Variants in KIAA1328 observed in about 807,000 individuals in gnomAD.
The protein encoded by KIAA1328 is protein hinderin.
Under a neutral mutation model 68.1 loss-of-function variants are expected in KIAA1328, and 52 were observed. The observed-to-expected ratio is 0.76, with a 90% confidence interval of 0.61 to 0.96. KIAA1328 has a LOEUF of 0.96. KIAA1328 is among the 40% of genes least tolerant of loss of function. The pLI is 0.00. For synonymous variants in KIAA1328, 232 were observed against 239.4 expected (o/e 0.97, Z 0.28); for missense variants, 641 against 677.6 (o/e 0.95, Z 0.60).
intron 6 of KIAA1328, among the ~76,000 whole-genome samples, chr18:37,014,095 T>G (rs561671522): frequency 1.1e-4 from 17 of 152,344 alleles, no homozygotes; most frequent in Admixed American, 1.1e-3. Flanking sequence ...CTCTGATGAT[T>G]AGTGATGATG....
At chr18:37,083,918 A>G (rs555704815) in intron 7 of KIAA1328, among the ~76,000 whole-genome samples, 1 of 152,342 alleles carries the variant, frequency 6.6e-6, no homozygotes, top group East Asian at 1.9e-4. Flanking sequence ...AATCTTCCCT[A>G]CCTTTCCTTT....
intron 6 of KIAA1328, among the ~76,000 whole-genome samples, chr18:37,004,136 T>C (rs1043287108): frequency 6.6e-6 from 1 of 152,100 alleles, no homozygotes; most frequent in Non-Finnish European, 1.5e-5. Flanking sequence ...GATGGTGGTG[T>C]TTTGATGGGA....
intron 5 of KIAA1328, among the ~76,000 whole-genome samples, chr18:36,889,370 CATT>C (rs1342982833): frequency 2.6e-5 from 4 of 152,242 alleles, no homozygotes; most frequent in Non-Finnish European, 5.9e-5. Flanking sequence ...AGGATGTAGC[CATT>C]ATAAAATTTG....
chr18:36,847,922 CTT>C (rs1217440412), intron 4 of KIAA1328, among the ~76,000 whole-genome samples: 1 of 151,674 alleles, frequency 6.6e-6, no homozygotes, highest in Non-Finnish European at 1.5e-5. Context: ...TTTCTAGACT[CTT>C]TGTTTCATTC....
chr18:37,066,792 G>C (rs2056352588), intron 6 of KIAA1328, 98 bp from the exon 7 acceptor site: 1 of 1,127,310 alleles, frequency 8.9e-7, no homozygotes, highest in Non-Finnish European at 1.2e-6. Context: ...CAACAGCTTT[G>C]GCTTGGTAAA....
chr18:36,962,662 A>C (rs921390010), intron 6 of KIAA1328, among the ~76,000 whole-genome samples: 2 of 152,224 alleles, frequency 1.3e-5, no homozygotes, highest in African/African-American at 4.8e-5. Flanking sequence ...AGGATTAAAA[A>C]ACTCACTCAA....
intron 6 of KIAA1328, among the ~76,000 whole-genome samples, chr18:37,050,185 C>T: frequency 6.6e-6 from 1 of 151,304 alleles, no homozygotes; most frequent in Middle Eastern, 3.2e-3. Flanking sequence ...TTGGTAGCCT[C>T]AGGATACTCT....
intron 5 of KIAA1328, among the ~76,000 whole-genome samples, chr18:36,942,468 A>G (rs1195830382): frequency 1.3e-5 from 2 of 152,188 alleles, no homozygotes; most frequent in Non-Finnish European, 2.9e-5. Context: ...GGGGAGTAGT[A>G]GGTTCACAAA....
chr18:37,078,885 C>T (rs996733088), intron 7 of KIAA1328, among the ~76,000 whole-genome samples: 5 of 151,222 alleles, frequency 3.3e-5, no homozygotes, highest in Admixed American at 6.6e-5. Context: ...GTTGGTGGGA[C>T]TGTAAACTAG....
intron 3 of KIAA1328, among the ~76,000 whole-genome samples, chr18:36,842,246 C>G (rs186668478): frequency 9.6e-4 from 146 of 152,214 alleles, no homozygotes; most frequent in African/African-American, 3.4e-3. Flanking sequence ...TGATGGGACA[C>G]CAACCCGGCT....
At chr18:37,120,514 C>T (rs2058242578) in intron 7 of KIAA1328, among the ~76,000 whole-genome samples, 2 of 152,190 alleles carry the variant, frequency 1.3e-5, no homozygotes, top group Admixed American at 6.6e-5. Context: ...AAAAAGATTA[C>T]ATAATCTTTG....
At chr18:37,024,245 C>T (rs528295275) in intron 6 of KIAA1328, among the ~76,000 whole-genome samples, 96 of 152,110 alleles carry the variant, frequency 6.3e-4, no homozygotes, top group African/African-American at 2.1e-3. Context: ...AGGCAGTCTT[C>T]CTACCTCGGA....
intron 9 of KIAA1328, among the ~76,000 whole-genome samples, chr18:37,199,155 C>T (rs1343441521): frequency 1.3e-5 from 2 of 152,102 alleles, no homozygotes; most frequent in African/African-American, 2.4e-5. Context: ...CACAGGTAAA[C>T]GTGTGTCATG....
chr18:37,182,930 C>T (rs2059725490), intron 9 of KIAA1328, among the ~76,000 whole-genome samples: 1 of 152,182 alleles, frequency 6.6e-6, no homozygotes, highest in East Asian at 1.9e-4. Context: ...TAAAACAATA[C>T]ATGTGATATG....
At chr18:36,858,257 CCCTG>C (rs2150874320) in intron 4 of KIAA1328, among the ~76,000 whole-genome samples, 1 of 152,260 alleles carries the variant, frequency 6.6e-6, no homozygotes, top group Non-Finnish European at 1.5e-5. Context: ...CCCCCTTCAT[CCCTG>C]CTAATATTAG....
chr18:37,115,204 A>G (rs1331887237), intron 7 of KIAA1328, among the ~76,000 whole-genome samples: 2 of 152,216 alleles, frequency 1.3e-5, no homozygotes, highest in Non-Finnish European at 2.9e-5. Flanking sequence ...GGGCAGAGGC[A>G]TGACAAAGAA....
chr18:36,949,685 C>T (rs1291039163), intron 5 of KIAA1328, among the ~76,000 whole-genome samples: 1 of 138,264 alleles, frequency 7.2e-6, no homozygotes, highest in Non-Finnish European at 1.5e-5. Context: ...TAGTTAAATA[C>T]TCTAATTAGC....
intron 7 of KIAA1328, among the ~76,000 whole-genome samples, chr18:37,106,653 A>T (rs2057785120): frequency 1.3e-5 from 2 of 152,072 alleles, no homozygotes; most frequent in Non-Finnish European, 2.9e-5. Context: ...TCCTGACCTC[A>T]AGCCTGGCTT....
intron 3 of KIAA1328, among the ~76,000 whole-genome samples, chr18:36,838,465 T>G (rs960241931): frequency 6.6e-6 from 1 of 152,214 alleles, no homozygotes; most frequent in African/African-American, 2.4e-5. Flanking sequence ...TAGGAAAGAA[T>G]TTTTTCAGCT....
Sources: gnomAD v4.1 joint callset for allele counts (sites outside exome capture counted in the v4.1 genomes callset) on GRCh38, gnomAD v4.1.1 for gene constraint, MANE v1.5 for transcripts, NCBI Gene and HGNC (gene_info 2026-07-23, HGNC 2026-07-21) for gene names.